Variants in TXNRD1 observed in about 807,000 individuals in gnomAD.
TXNRD1 encodes thioredoxin reductase 1, cytoplasmic.
A neutral mutation model predicts 80.3 loss-of-function variants in TXNRD1; 57 were observed. That is an observed-to-expected ratio of 0.71 (90% CI 0.57 to 0.89). The LOEUF (loss-of-function observed/expected upper bound fraction) is 0.89, where lower values mean the gene tolerates loss of function less well. TXNRD1 is among the 40% of genes least tolerant of loss of function. The pLI, the probability that TXNRD1 is intolerant of heterozygous loss-of-function variation, is 0.00. For missense variants in TXNRD1, 730 were observed against 803.0 expected, an observed-to-expected ratio of 0.91 and a Z score of 1.10; for synonymous variants, 291 against 285.2, an observed-to-expected ratio of 1.02 and a Z score of -0.20.
chr12:104,332,327 C>G (rs370897481), intron 14 of TXNRD1, among the ~76,000 whole-genome samples: 7 of 152,208 alleles, frequency 4.6e-5, no homozygotes, highest in African/African-American at 9.6e-5. Flanking sequence ...GTGAATAAGT[C>G]AATTTTTAAA....
Position 104,318,958 on chromosome 12 carries a change from T to C in TXNRD1, c.776T>C (p.Ile259Thr). 3.7e-6 allele frequency: 6 copies of C among 1,613,976 alleles called. No homozygotes were observed. The highest frequency in any genetic ancestry group is 2.2e-5 in the East Asian group (1 of 44,878). Residue 259 changes from isoleucine to threonine, a missense_variant, in exon 8 of 17, where the codon ATT (isoleucine) becomes ACT (threonine). Ile to Thr is a moderately conservative substitution (Grantham distance 89, BLOSUM62 -1). Coordinates refer to ENST00000525566, the MANE Select transcript of TXNRD1 (RefSeq NM_001093771.3). ...ATGATAGAAGCTGTACAGAATCACATTGGCTCTTTGAATTGGGGCTACCGA... is the reference window on the plus strand; with the variant it reads ...ATGATAGAAGCTGTACAGAATCACACTGGCTCTTTGAATTGGGGCTACCGA... Reference protein sequence around the residue: ...DRMIEAVQNHIGSLNWGYRVA... With the variant: ...DRMIEAVQNHTGSLNWGYRVA...
chr12:104,251,773 G>A (rs2033123479), intron 2 of TXNRD1, 95 bp downstream of exon 2: 1 of 1,466,128 alleles, frequency 6.8e-7, no homozygotes, highest in Non-Finnish European at 9.3e-7. Context: ...CCTTTAGGAA[G>A]AGTGTATGTA....
intron 3 of TXNRD1, among the ~76,000 whole-genome samples, chr12:104,276,424 C>A (rs2033759935): frequency 6.6e-6 from 1 of 152,158 alleles, no homozygotes; most frequent in African/African-American, 2.4e-5. Context: ...GCTCAAGAGA[C>A]CCCTTGTTAA....
intron 3 of TXNRD1, among the ~76,000 whole-genome samples, chr12:104,274,422 A>G (rs7139336): frequency 0.91 from 138,062 of 152,200 alleles, 62,866 homozygotes; most frequent in African/African-American, 0.98. Flanking sequence ...GCTGCCGGGC[A>G]CGGTGGCTCA....
chr12:104,293,937 T>TC (rs1187958726), intron 4 of TXNRD1, among the ~76,000 whole-genome samples: 4 of 152,168 alleles, frequency 2.6e-5, no homozygotes, highest in Non-Finnish European at 5.9e-5. Flanking sequence ...AGGGGGCCCT[T>TC]CCCTGCCTGG....
chr12:104,215,809 T>C lies in TXNRD1; in HGVS notation c.7T>C (p.Cys3Arg). The C allele has an allele frequency of 6.4e-7, 1 of 1,560,526 alleles. No individual in the cohort carries two copies. The highest frequency in any genetic ancestry group is 8.7e-7 in the Non-Finnish European group (1 of 1,152,826). The change falls in exon 1 of 17, where the codon TGC (cysteine) becomes CGC (arginine). Residue 3 changes from cysteine to arginine, a missense_variant. Transcript: ENST00000525566. The part of the protein sequence containing the change: MG[C>R]AEGKAVAAAA... ...CCACAGGGCCTTGTGCGACATGGGCTGCGCCGAGGGCAAGGCAGTGGCGGC... is the reference window on the plus strand; with the variant it reads ...CCACAGGGCCTTGTGCGACATGGGCCGCGCCGAGGGCAAGGCAGTGGCGGC...
At chr12:104,326,929 G>T (rs891475661) in intron 12 of TXNRD1, among the ~76,000 whole-genome samples, 15 of 152,138 alleles carry the variant, frequency 9.9e-5, no homozygotes, top group South Asian at 2.1e-4. Context: ...TCTGCTTCCT[G>T]TGTTCAAGTG....
chr12:104,265,435 C>G (rs1195397249), intron 3 of TXNRD1: 11 of 1,603,244 alleles, frequency 6.9e-6, no homozygotes, highest in Non-Finnish European at 5.1e-6. Context: ...CGCCAAGTCC[C>G]GCTTCTGGTA....
At chr12:104,265,836 C>T (rs1363649040) in intron 3 of TXNRD1, 8 of 1,424,178 alleles carry the variant, frequency 5.6e-6, no homozygotes, top group Non-Finnish European at 7.7e-6. Flanking sequence ...ACACCTTCTT[C>T]TAGGTGCAGG....
chr12:104,259,153 T>G (rs1361464424), intron 3 of TXNRD1, among the ~76,000 whole-genome samples: 3 of 151,900 alleles, frequency 2.0e-5, no homozygotes, highest in Admixed American at 1.3e-4. Flanking sequence ...CTGTGGTGGC[T>G]GGATTCCCTG....
intron 1 of TXNRD1, among the ~76,000 whole-genome samples, chr12:104,231,077 A>G (rs1478953567): frequency 6.6e-6 from 1 of 152,152 alleles, no homozygotes; most frequent in Non-Finnish European, 1.5e-5. Flanking sequence ...CCCGGCTCTA[A>G]GAGCCCGGTC....
rs780621189 is a variant in TXNRD1, at chr12:104,243,278, C to T, written c.92-8249C>T. 2.9e-4 allele frequency among the ~76,000 whole-genome samples: 44 copies of T among 152,172 alleles called. 1 individual carries two copies. In the Middle Eastern group the frequency reaches 0.014, roughly 47 times the overall value. Reference sequence around the variant, plus strand: ...TTTAGGGAGTCTTTAGTCTTCCTTCCGTGTGTTTCCATAAAGACTTCTGTT... The same window carrying T: ...TTTAGGGAGTCTTTAGTCTTCCTTCTGTGTGTTTCCATAAAGACTTCTGTT... On this transcript the variant is annotated intron_variant, in intron 1 of 16. Coordinates refer to ENST00000525566, the MANE Select transcript of TXNRD1 (RefSeq NM_001093771.3).
intron 3 of TXNRD1, chr12:104,265,963 AAAAAAG>A (rs1462928874): frequency 2.3e-5 from 14 of 621,572 alleles, no homozygotes; most frequent in Admixed American, 1.3e-4. Context: ...CTTAAAAAAA[AAAAAAG>A]AAAAGAAATA....
At chr12:104,254,636 A>AAAAAAAAAAAAAAAAAAAT in intron 2 of TXNRD1, among the ~76,000 whole-genome samples, 1 of 107,116 alleles carries the variant, frequency 9.3e-6, no homozygotes, top group African/African-American at 5.0e-5. Context: ...TATGGAAAAA[A>AAAAAAAAAAAAAAAAAAAT]AAAAAAAAAT....
chr12:104,309,035 C>T (rs1429633005), intron 4 of TXNRD1, among the ~76,000 whole-genome samples: 1 of 151,818 alleles, frequency 6.6e-6, no homozygotes, highest in African/African-American at 2.4e-5. Context: ...ATAGCTGGGA[C>T]TACAGGTGCA....
At chr12:104,332,555 G>C (rs2033838327) in intron 14 of TXNRD1, among the ~76,000 whole-genome samples, 1 of 152,068 alleles carries the variant, frequency 6.6e-6, no homozygotes, top group East Asian at 1.9e-4. Context: ...TTTGAGACCA[G>C]CCTGACCAAC....
At chr12:104,300,412 C>T (rs374003787) in intron 4 of TXNRD1, among the ~76,000 whole-genome samples, 7 of 152,226 alleles carry the variant, frequency 4.6e-5, no homozygotes, top group South Asian at 4.1e-4. Flanking sequence ...ATAAGGTAGA[C>T]GCCACTGGTT....
rs2036582830 is a variant in TXNRD1, at chr12:104,349,410, CT to C, written c.*991del. ...TAGTAGGAAAATAAGTCTTTTCATG[CT>C]TATGATTTAGCTGTTTTGTGGTAAT... On this transcript the variant is annotated 3_prime_UTR_variant, in exon 17 of 17. Coordinates refer to ENST00000525566, the MANE Select transcript of TXNRD1 (RefSeq NM_001093771.3). The C allele has an allele frequency of 6.6e-6, 1 of 152,562 alleles. No individual in the cohort carries two copies. Among genetic ancestry groups the C allele is most frequent in the African/African-American group, 2.4e-5 (1 of 41,428 alleles). 9.5% of individuals were successfully genotyped at this position (152,562 alleles called of 1,614,324 possible).
At chr12:104,266,956 C>T (rs534017142) in intron 3 of TXNRD1, among the ~76,000 whole-genome samples, 14 of 150,988 alleles carry the variant, frequency 9.3e-5, no homozygotes, top group Non-Finnish European at 1.6e-4. Context: ...AGCGAGACTC[C>T]GTCTCAAAAA....
Sources: allele counts gnomAD v4.1 joint callset (sites outside exome capture counted in the v4.1 genomes callset), GRCh38; gene constraint gnomAD v4.1.1; transcripts MANE v1.5; gene names NCBI Gene and HGNC (gene_info 2026-07-23, HGNC 2026-07-21).